Variants in PPP1R37 observed in about 807,000 individuals in gnomAD.
The protein encoded by PPP1R37 is protein phosphatase 1 regulatory subunit 37.
Under a neutral mutation model 61.0 loss-of-function variants are expected in PPP1R37, and 21 were observed. The observed-to-expected ratio is 0.34, with a 90% CI of 0.24 to 0.50. The LOEUF (loss-of-function observed/expected upper bound fraction) is 0.50. Among genes scored for constraint, PPP1R37 ranks in the 20% least tolerant of loss-of-function variants. The probability of loss-of-function intolerance (pLI) is 0.98; values close to 1 mark genes in which losing one functional copy is unlikely to be tolerated. For missense variants in PPP1R37, 910 were observed against 952.7 expected, an observed-to-expected ratio of 0.96 and a Z score of 0.59; for synonymous variants, 443 against 433.5, an observed-to-expected ratio of 1.02 and a Z score of -0.27.
At chr19:45,109,532 G>A (rs1264184792) in intron 1 of PPP1R37, among the ~76,000 whole-genome samples, 1 of 152,210 alleles carries the variant, frequency 6.6e-6, no homozygotes, top group African/African-American at 2.4e-5. Flanking sequence ...TGAGTGACTC[G>A]GTGAACCTGC....
chr19:45,120,566 A>G (rs1413540516), intron 1 of PPP1R37, among the ~76,000 whole-genome samples: 3 of 152,242 alleles, frequency 2.0e-5, no homozygotes, highest in Non-Finnish European at 4.4e-5. Context: ...ATGATTTTTC[A>G]TCTTTGCAAG....
Position 45,094,326 on chromosome 19 carries a change from T to G in PPP1R37, c.202+799T>G, listed in dbSNP as rs528300544. ...AGAAAAGCCAACGCCTACCGCCGCC[T>G]CCTCCTCCAAAAAAAAGAGAAGCAG... On this transcript the variant is annotated intron_variant, in intron 1 of 12. Coordinates refer to ENST00000221462, the MANE Select transcript of PPP1R37 (RefSeq NM_019121.2). 5.3e-5 allele frequency among the ~76,000 whole-genome samples: 8 copies of G among 151,990 alleles called. No individual in the cohort carries two copies. In the East Asian group the frequency reaches 5.8e-4, roughly 11 times the overall value.
At chr19:45,096,493 A>ATAAATTTCTGC (rs2122703765) in intron 1 of PPP1R37, among the ~76,000 whole-genome samples, 1 of 152,340 alleles carries the variant, frequency 6.6e-6, no homozygotes, top group African/African-American at 2.4e-5. Flanking sequence ...GATAGTCCTC[A>ATAAATTTCTGC]TAAATTTCTG....
At chr19:45,128,493 C>G in intron 1 of PPP1R37, 1 of 837,022 alleles carries the variant, frequency 1.2e-6, no homozygotes. Context: ...GGCCCAGAGG[C>G]AGCGGTTGGG....
chr19:45,128,764 G>C, intron 1 of PPP1R37: 1 of 669,798 alleles, frequency 1.5e-6, no homozygotes, highest in Non-Finnish European at 2.6e-6. Context: ...ATCTTTACTG[G>C]GAAGAAATAT....
In PPP1R37 at chr19:45,146,419, C is replaced by T. The variant is rs2122762233; in HGVS notation, c.2023C>T (p.Leu675Phe). The change falls in exon 12 of 13, where the codon CTC (leucine) becomes TTC (phenylalanine). Residue 675 changes from leucine to phenylalanine, a missense_variant. Leu to Phe is a conservative substitution (Grantham distance 22, BLOSUM62 0). Transcript: ENST00000221462. ...GAGCTGCTCCAAGAACGAGAAGGAG[C>T]TCGAGGAGCTGCTTCTGGAAGCCAG... is the stretch of plus-strand genomic sequence containing the variant. Reference protein sequence around the residue: ...ELSCSKNEKELEELLLEASQE... With the variant: ...ELSCSKNEKEFEELLLEASQE... 2.0e-6 allele frequency: 3 copies of T among 1,535,912 alleles called. No homozygotes were observed. Among genetic ancestry groups the T allele is most frequent in the East Asian group, 4.9e-5 (2 of 40,890 alleles).
intron 2 of PPP1R37, 57 bp from the exon 3 acceptor site, chr19:45,140,179 C>T: frequency 6.9e-7 from 1 of 1,458,672 alleles, no homozygotes; most frequent in Non-Finnish European, 9.3e-7. Context: ...CATTTGGGGC[C>T]TCGGCTGCCC....
At chr19:45,109,405 G>A (rs1048225626) in intron 1 of PPP1R37, among the ~76,000 whole-genome samples, 3 of 152,160 alleles carry the variant, frequency 2.0e-5, no homozygotes, top group African/African-American at 7.2e-5. Flanking sequence ...GGCCTTGGAG[G>A]CCCTGCAGTG....
At position 45,138,622 on chromosome 19, in the gene PPP1R37, G is replaced by A; in HGVS notation, c.300+11G>A. 2 of 868,368 alleles carry A rather than the reference G, an allele frequency of 2.3e-6. No homozygotes were observed. Among genetic ancestry groups the A allele is most frequent in the South Asian group, 1.4e-5 (1 of 71,590 alleles). The allele number at this position is 868,368 out of a possible 1,614,324, so 53.8% of individuals were successfully genotyped here. A position where few individuals can be genotyped will look rare whatever the true frequency, so the allele number is the denominator to read the frequency against. Reference sequence around the variant, plus strand: ...CTCAGGCAGCTGCAGGTATGGGCGGGACAGGGTGGGTGCGTCCGGTGTGGG... The same window carrying A: ...CTCAGGCAGCTGCAGGTATGGGCGGAACAGGGTGGGTGCGTCCGGTGTGGG... On this transcript the variant is annotated intron_variant, in intron 2 of 12. Transcript: ENST00000221462.
In PPP1R37 at chr19:45,093,477, A is replaced by G; in HGVS notation, c.152A>G (p.Asp51Gly). Reference sequence around the variant, plus strand: ...GCCAAGCGCGTCACATTCCCGTCCGACGAGGATATCGTGTCTGGAGCAGTG... The same window carrying G: ...GCCAAGCGCGTCACATTCCCGTCCGGCGAGGATATCGTGTCTGGAGCAGTG... ...AAAKRVTFPSDEDIVSGAVEP... is the reference protein window; with the variant it reads ...AAAKRVTFPSGEDIVSGAVEP... The change falls in exon 1 of 13, where the codon GAC becomes GGC. Residue 51 changes from aspartate (D) to glycine (G), a missense_variant. Around this residue, in one of 3 missense-constraint regions of PPP1R37, gnomAD observed 280 missense variants for 382.2 expected, o/e 0.73. Transcript: ENST00000221462. 6.5e-7 allele frequency: 1 copy of G among 1,535,366 alleles called. No homozygotes were observed. Among genetic ancestry groups the G allele is most frequent in the Non-Finnish European group, 8.7e-7 (1 of 1,146,692 alleles).
chr19:45,146,028 G>A lies in PPP1R37; in HGVS notation c.1972G>A (p.Gly658Ser). 3 of 1,531,140 alleles carry A rather than the reference G, an allele frequency of 2.0e-6. No individual in the cohort carries two copies. The highest frequency in any genetic ancestry group is 1.2e-5 in the South Asian group (1 of 83,670). The allele number at this position is 1,531,140 out of a possible 1,614,324, so 94.8% of individuals were successfully genotyped here. Residue 658 changes from glycine to serine, a missense_variant, in exon 11 of 13, where the codon GGC (glycine) becomes AGC (serine). Around this residue, in one of 3 missense-constraint regions of PPP1R37, gnomAD observed 549 missense variants for 505.1 expected, o/e 1.09. Coordinates refer to ENST00000221462, the MANE Select transcript of PPP1R37 (RefSeq NM_019121.2). ...EPPPGPEVKG[G>S]SCGLEHELSC... ...GCCCCCGGGGCCTGAGGTCAAGGGG[G>A]GCAGCTGCGGCCTGGAGCACGGTGA...
intron 11 of PPP1R37, 63 bp from the exon 12 acceptor site, chr19:45,146,327 C>T (rs771102702): frequency 2.8e-4 from 403 of 1,449,954 alleles, no homozygotes; most frequent in Non-Finnish European, 3.6e-4. Flanking sequence ...TGGGGCCGGG[C>T]TGGGGACAGG....
At chr19:45,115,212 G>T (rs901145767) in intron 1 of PPP1R37, among the ~76,000 whole-genome samples, 4 of 152,152 alleles carry the variant, frequency 2.6e-5, no homozygotes, top group Non-Finnish European at 4.4e-5. Flanking sequence ...TGAGAGAAGG[G>T]TCTGGAAGGA....
At chr19:45,134,758 C>T (rs544436136) in intron 1 of PPP1R37, among the ~76,000 whole-genome samples, 1 of 152,196 alleles carries the variant, frequency 6.6e-6, no homozygotes, top group African/African-American at 2.4e-5. Context: ...TGCATTTCTA[C>T]GGCGCTTCTG....
chr19:45,140,555 G>A lies in PPP1R37; in HGVS notation c.396G>A (p.Lys132=), dbSNP rs920814470. Residue 132 remains lysine, a synonymous_variant, in exon 4 of 13, where the codon AAG becomes AAA. Transcript: ENST00000221462. ...KTCEALEEVF[K]RLQFKVVDLE... is the part of the protein sequence containing the mutation. The stretch of plus-strand genomic sequence containing the variant: ...GTGAGGCCCTGGAAGAGGTCTTCAA[G>A]AGGCTGCAGTTCAAGGTCGTGGACC... 3 of 1,536,106 alleles carry A rather than the reference G, an allele frequency of 2.0e-6. No homozygotes were observed. Among genetic ancestry groups the A allele is most frequent in the Middle Eastern group, 1.7e-4 (1 of 5,990 alleles).
chr19:45,097,054 G>A (rs1783530310), intron 1 of PPP1R37, among the ~76,000 whole-genome samples: 1 of 152,102 alleles, frequency 6.6e-6, no homozygotes, highest in Admixed American at 6.5e-5. Flanking sequence ...CACTGGCCAT[G>A]GGGCTGTGGG....
At chr19:45,127,548 A>G (rs1348095954) in intron 1 of PPP1R37, among the ~76,000 whole-genome samples, 1 of 151,720 alleles carries the variant, frequency 6.6e-6, no homozygotes, top group Non-Finnish European at 1.5e-5. Context: ...ATAGTGGGAA[A>G]TCTTATGGGA....
intron 1 of PPP1R37, among the ~76,000 whole-genome samples, chr19:45,126,488 T>C (rs956958004): frequency 6.6e-6 from 1 of 152,078 alleles, no homozygotes; most frequent in Non-Finnish European, 1.5e-5. Context: ...TGTGGGGAAA[T>C]GGGGCTCTGC....
chr19:45,144,207 G>T (rs1023634938), intron 8 of PPP1R37: 1 of 152,330 alleles, frequency 6.6e-6, no homozygotes, highest in African/African-American at 2.4e-5. Flanking sequence ...TAGTAGAGAG[G>T]GGATTTCACC....
Sources: allele counts gnomAD v4.1 joint callset (sites outside exome capture counted in the v4.1 genomes callset), GRCh38; gene constraint gnomAD v4.1.1; regional missense constraint gnomAD v4.1.1; transcripts MANE v1.5; gene names NCBI Gene and HGNC (gene_info 2026-07-23, HGNC 2026-07-21).